VPS13B: variants seen among roughly 807,000 people sequenced by gnomAD.
VPS13B encodes the protein vacuolar protein sorting 13 homolog B.
In VPS13B, 285 loss-of-function variants were observed where a neutral mutation model predicts 426.4. That is an observed-to-expected ratio of 0.67 (90% CI 0.61 to 0.74). VPS13B has a LOEUF of 0.74. VPS13B is among the 30% of genes least tolerant of loss of function. The probability of loss-of-function intolerance (pLI) is 0.00; values close to 1 mark genes in which losing one functional copy is unlikely to be tolerated. For synonymous variants in VPS13B, 1,676 were observed against 1,676.4 expected, an observed-to-expected ratio of 1.00 and a Z score of 0.01; for missense variants, 4,537 against 4,782.6, an observed-to-expected ratio of 0.95 and a Z score of 1.51.
intron 2 of VPS13B, among the ~76,000 whole-genome samples, chr8:99,016,556 A>T (rs1587916926): frequency 1.0e-4 from 9 of 88,400 alleles, no homozygotes; most frequent in Admixed American, 1.0e-4. Flanking sequence ...TTAAAAATTG[A>T]GTTTTCTGTC....
intron 19 of VPS13B, among the ~76,000 whole-genome samples, chr8:99,325,907 T>C (rs1810233179): frequency 1.3e-5 from 2 of 152,206 alleles, no homozygotes; most frequent in Admixed American, 1.3e-4. Context: ...AAATAAATTT[T>C]TATTCTTTAG....
At chr8:99,431,742 G>A in intron 22 of VPS13B, 78 bp downstream of exon 22, 1 of 1,462,890 alleles carries the variant, frequency 6.8e-7, no homozygotes, top group Non-Finnish European at 9.3e-7. Flanking sequence ...ATATTGGTAA[G>A]ACTTTTCTCA....
intron 19 of VPS13B, among the ~76,000 whole-genome samples, chr8:99,275,797 G>A (rs1453853859): frequency 6.6e-6 from 1 of 152,088 alleles, no homozygotes; most frequent in African/African-American, 2.4e-5. Flanking sequence ...TTGAGAGAAG[G>A]TATCAGAAGG....
chr8:99,684,601 A>G (rs547576762), intron 35 of VPS13B, among the ~76,000 whole-genome samples: 2 of 152,198 alleles, frequency 1.3e-5, no homozygotes, highest in Non-Finnish European at 2.9e-5. Context: ...CTTCTTCCTT[A>G]GTCTACCTGT....
At chr8:99,503,603 C>T (rs1821348690) in intron 27 of VPS13B, among the ~76,000 whole-genome samples, 1 of 152,072 alleles carries the variant, frequency 6.6e-6, no homozygotes, top group Non-Finnish European at 1.5e-5. Flanking sequence ...AACAATGTTC[C>T]CAGCATCTTC....
At chr8:99,801,812 T>C (rs1041777086) in intron 43 of VPS13B, among the ~76,000 whole-genome samples, 1 of 152,150 alleles carries the variant, frequency 6.6e-6, no homozygotes, top group Non-Finnish European at 1.5e-5. Flanking sequence ...GTACAGTTAG[T>C]TGGCTTATAG....
chr8:99,049,859 A>G (rs1270034750), intron 3 of VPS13B, among the ~76,000 whole-genome samples: 2 of 151,658 alleles, frequency 1.3e-5, no homozygotes, highest in Admixed American at 6.6e-5. Flanking sequence ...GGCTTTGTTC[A>G]TATTTTCTTA....
intron 19 of VPS13B, among the ~76,000 whole-genome samples, chr8:99,333,533 A>C (rs574073263): frequency 2.3e-4 from 35 of 151,988 alleles, no homozygotes; most frequent in African/African-American, 8.2e-4. Context: ...GTTTGTATGT[A>C]TTTAATTATA....
At chr8:99,778,049 G>A (rs190802393) in intron 41 of VPS13B, among the ~76,000 whole-genome samples, 92 of 152,098 alleles carry the variant, frequency 6.0e-4, no homozygotes, top group Admixed American at 2.3e-3. Flanking sequence ...GGCTAACACG[G>A]TGAAACCCCA....
intron 15 of VPS13B, among the ~76,000 whole-genome samples, chr8:99,158,518 GC>G (rs1235535132): frequency 6.6e-6 from 1 of 152,156 alleles, no homozygotes; most frequent in African/African-American, 2.4e-5. Context: ...GGGCGACAGG[GC>G]AAGACGCTGA....
At position 99,298,975 on chromosome 8, in the gene VPS13B, C is replaced by T. The variant is rs1384868379; in HGVS notation, c.2824+23721C>T. ...GGATGGTTTTTGATGGTCAGAAACACTCTTAGAGTTAGATGTGATCTGGAG... is the reference window on the plus strand; with the variant it reads ...GGATGGTTTTTGATGGTCAGAAACATTCTTAGAGTTAGATGTGATCTGGAG... On this transcript the variant is annotated intron_variant, in intron 19 of 61. Transcript: ENST00000357162. Among the ~76,000 whole-genome samples, 3 of 151,062 alleles carry T rather than the reference C, an allele frequency of 2.0e-5. No individual in the cohort carries two copies. In the East Asian group the frequency reaches 5.8e-4, roughly 29 times the overall value.
At chr8:99,559,741 G>T (rs1824795275) in intron 31 of VPS13B, among the ~76,000 whole-genome samples, 1 of 152,012 alleles carries the variant, frequency 6.6e-6, no homozygotes, top group East Asian at 1.9e-4. Flanking sequence ...ATTTCTGAGG[G>T]CTCTATTCTG....
chr8:99,395,331 G>C (rs1814670447), intron 21 of VPS13B, among the ~76,000 whole-genome samples: 1 of 152,214 alleles, frequency 6.6e-6, no homozygotes, highest in South Asian at 2.1e-4. Flanking sequence ...AGACATGAAT[G>C]CATGGCGATG....
chr8:99,191,290 AT>A, intron 16 of VPS13B, among the ~76,000 whole-genome samples: 1 of 144,090 alleles, frequency 6.9e-6, no homozygotes, highest in Middle Eastern at 4.0e-3. Flanking sequence ...TTTCTTGGAT[AT>A]TTGGGTTTAT....
chr8:99,848,004 T>G (rs1193747392), intron 54 of VPS13B, among the ~76,000 whole-genome samples: 1 of 151,990 alleles, frequency 6.6e-6, no homozygotes, highest in Non-Finnish European at 1.5e-5. Context: ...CATAAGGAGG[T>G]TTTTGCCCCT....
intron 2 of VPS13B, among the ~76,000 whole-genome samples, chr8:99,016,586 C>CTTTTTT (rs754060289): frequency 9.4e-4 from 57 of 60,732 alleles, no homozygotes; most frequent in Non-Finnish European, 1.1e-3. Context: ...TATAGGAATT[C>CTTTTTT]TTTTTTTTTT....
At chr8:99,202,652 A>G (rs1814399247) in intron 17 of VPS13B, among the ~76,000 whole-genome samples, 1 of 152,174 alleles carries the variant, frequency 6.6e-6, no homozygotes, top group East Asian at 1.9e-4. Context: ...TTCTGAAACT[A>G]TTCCAAACAA....
rs1331195760 is a variant in VPS13B at position 99,853,965 on chromosome 8, A to G, written c.10576A>G (p.Asn3526Asp). The G allele has an allele frequency of 6.2e-7, 1 of 1,614,214 alleles. No individual in the cohort carries two copies. Among genetic ancestry groups the G allele is most frequent in the East Asian group, 2.2e-5 (1 of 44,888 alleles). Residue 3526 changes from asparagine to aspartate, a missense_variant, in exon 56 of 62, where the codon AAC becomes GAC. By Grantham distance (23) the Asn-to-Asp change is conservative. Around this residue, in one of 2 missense-constraint regions of VPS13B, gnomAD observed 4,311 missense variants for 4,474.3 expected, o/e 0.96. Coordinates refer to ENST00000357162, the MANE Select transcript of VPS13B (RefSeq NM_152564.5). The part of the protein sequence containing the change: ...IKTLFDTYLP[N>D]SRLAGHSTHL... ...GACTTTGTTTGACACCTACCTTCCT[A>G]ACAGCAGGTTGGCTGGTCACTCCAC... is the stretch of plus-strand genomic sequence containing the variant.
At chr8:99,371,856 C>T (rs189303370) in intron 19 of VPS13B, among the ~76,000 whole-genome samples, 1 of 152,204 alleles carries the variant, frequency 6.6e-6, no homozygotes, top group African/African-American at 2.4e-5. Flanking sequence ...ACACCTTATA[C>T]AAAAATTAAC....
Sources: gnomAD v4.1 joint callset for allele counts (sites outside exome capture counted in the v4.1 genomes callset) on GRCh38, gnomAD v4.1.1 for gene constraint, gnomAD v4.1.1 regional missense constraint, MANE v1.5 for transcripts, NCBI Gene and HGNC (gene_info 2026-07-23, HGNC 2026-07-21) for gene names.